MTMR9: variants seen among roughly 807,000 people sequenced by gnomAD.
The protein encoded by MTMR9 is myotubularin related protein 9, also known as myotubularin-related protein 9.
In MTMR9, 39 loss-of-function variants were observed where a neutral mutation model predicts 69.5. That is an observed-to-expected ratio of 0.56 (90% CI 0.43 to 0.73). The LOEUF is 0.73. Ranked by LOEUF, MTMR9 falls within the 30% of genes least tolerant of loss-of-function variation. MTMR9 has a pLI of 0.00. For synonymous variants in MTMR9, 354 were observed against 240.8 expected, an observed-to-expected ratio of 1.47 and a Z score of -4.35; for missense variants, 900 against 671.2, an observed-to-expected ratio of 1.34 and a Z score of -3.77.
chr8:11,308,377 T>G (rs572580015), intron 5 of MTMR9, among the ~76,000 whole-genome samples: 64 of 152,366 alleles, frequency 4.2e-4, no homozygotes, highest in African/African-American at 1.3e-3. Flanking sequence ...GGTTTTATTC[T>G]GTTCCATTAG....
At chr8:11,289,137 A>T (rs1368346095) in intron 1 of MTMR9, among the ~76,000 whole-genome samples, 1 of 152,076 alleles carries the variant, frequency 6.6e-6, no homozygotes, top group Non-Finnish European at 1.5e-5. Context: ...GCACCACTGA[A>T]CTCCACCCTG....
intron 1 of MTMR9, among the ~76,000 whole-genome samples, chr8:11,292,881 C>T (rs149803957): frequency 8.7e-4 from 133 of 152,298 alleles, no homozygotes; most frequent in African/African-American, 2.9e-3. Context: ...AACAATGTAG[C>T]ACATACCATT....
rs1800954700 is a variant in MTMR9, at chr8:11,326,796, C to G, written c.*4008C>G. ...CCATCCTGGCTAACACGGTGAAAACCCATGTCTACTAAAAATACAAAAAAT... is the reference window on the plus strand; with the variant it reads ...CCATCCTGGCTAACACGGTGAAAACGCATGTCTACTAAAAATACAAAAAAT... On this transcript the variant is annotated 3_prime_UTR_variant, in exon 10 of 10. Transcript: ENST00000221086. The G allele has an allele frequency of 6.6e-6, 1 of 152,100 alleles. No homozygotes were observed. The highest frequency in any genetic ancestry group is 6.6e-5 in the Admixed American group (1 of 15,248). The allele number at this position is 152,100 out of a possible 1,614,324, so 9.4% of individuals were successfully genotyped here.
intron 6 of MTMR9, among the ~76,000 whole-genome samples, chr8:11,309,980 C>T (rs943360850): frequency 7.9e-5 from 12 of 151,894 alleles, no homozygotes; most frequent in African/African-American, 2.9e-4. Context: ...ATGAATTTGC[C>T]AATTTTTTTC....
Position 11,326,336 on chromosome 8 carries a change from G to A in MTMR9, c.*3548G>A, listed in dbSNP as rs79706171. ...TAGAATGAATGAAAACAACACAAGC[G>A]TTTTATGAGCACTCTTTATCAGAAA... On this transcript the variant is annotated 3_prime_UTR_variant, in exon 10 of 10. Transcript: ENST00000221086. 7 of 152,318 alleles carry A rather than the reference G, an allele frequency of 4.6e-5. No individual in the cohort carries two copies. The highest frequency in any genetic ancestry group is 1.4e-4 in the African/African-American group (6 of 41,580). The allele number at this position is 152,318 out of a possible 1,614,324, so 9.4% of individuals were successfully genotyped here.
At chr8:11,336,812 C>G in the MTMR9 span, among the ~76,000 whole-genome samples, 1 of 152,166 alleles carries the variant, frequency 6.6e-6, no homozygotes, top group Non-Finnish European at 1.5e-5. Flanking sequence ...CCTGCACATA[C>G]AACATTCTAG....
intron 5 of MTMR9, 52 bp from the exon 6 acceptor site, chr8:11,309,475 T>TAG: frequency 6.6e-7 from 1 of 1,513,136 alleles, no homozygotes; most frequent in South Asian, 1.3e-5. Flanking sequence ...TTTGGTTTCT[T>TAG]TATCTTTCTA....
At chr8:11,296,658 G>A (rs931438825) in intron 2 of MTMR9, among the ~76,000 whole-genome samples, 2 of 151,978 alleles carry the variant, frequency 1.3e-5, no homozygotes, top group South Asian at 4.2e-4. Context: ...TTTGTGACTG[G>A]TTTTTTTCAC....
intron 6 of MTMR9, among the ~76,000 whole-genome samples, chr8:11,313,021 C>T (rs935891559): frequency 2.6e-5 from 4 of 152,208 alleles, no homozygotes; most frequent in Non-Finnish European, 5.9e-5. Context: ...TGCTGTCATG[C>T]AGGCTTCATT....
chr8:11,314,877 A>C (rs370674110), intron 6 of MTMR9, 46 bp from the exon 7 acceptor site: 1 of 1,593,360 alleles, frequency 6.3e-7, no homozygotes, highest in African/African-American at 1.3e-5. Context: ...TTCATTGACC[A>C]TGTTGGACAT....
At chr8:11,317,206 T>A (rs1244137917) in intron 8 of MTMR9, 3 of 169,314 alleles carry the variant, frequency 1.8e-5, no homozygotes, top group Non-Finnish European at 3.8e-5. Context: ...AATTCAGGTC[T>A]TCCCTCTAAT....
Position 11,316,660 on chromosome 8 carries a change from A to G in MTMR9, c.1114-13A>G. 1 of 1,571,212 alleles carries G rather than the reference A, an allele frequency of 6.4e-7. No individual in the cohort carries two copies. Reference sequence around the variant, plus strand: ...ACCAGGATATGACTGTCACGCCTCCATCTTCCCCCTAGGCTGGTCACCCAT... The same window carrying G: ...ACCAGGATATGACTGTCACGCCTCCGTCTTCCCCCTAGGCTGGTCACCCAT... On this transcript the variant is annotated splice_polypyrimidine_tract_variant and intron_variant, in intron 7 of 9. Transcript: ENST00000221086.
chr8:11,307,990 A>G (rs1448372976), intron 5 of MTMR9, among the ~76,000 whole-genome samples: 2 of 152,006 alleles, frequency 1.3e-5, no homozygotes, highest in African/African-American at 2.4e-5. Context: ...CTCCCATTCC[A>G]TAGGTTGTCT....
rs773323583 is a variant in MTMR9, at chr8:11,300,072, G to A, written c.341G>A (p.Arg114His). The A allele has an allele frequency of 1.1e-5, 18 of 1,613,238 alleles. No individual in the cohort carries two copies. The highest frequency in any genetic ancestry group is 6.7e-5 in the East Asian group (3 of 44,850). Reference sequence around the variant, plus strand: ...ACTCTGATGTACCCTTTCTTTTACCGTCCTATGTTTGAAGTGATAGAAGAT... The same window carrying A: ...ACTCTGATGTACCCTTTCTTTTACCATCCTATGTTTGAAGTGATAGAAGAT... ...SITLMYPFFY[R>H]PMFEVIEDGW... The change falls in exon 3 of 10, where the codon CGT (arginine) becomes CAT (histidine). Residue 114 changes from arginine (R) to histidine (H), a missense_variant. By Grantham distance (29) the Arg-to-His change is conservative. Transcript: ENST00000221086.
chr8:11,287,108 T>C (rs988504659), intron 1 of MTMR9, among the ~76,000 whole-genome samples: 12 of 152,230 alleles, frequency 7.9e-5, no homozygotes, highest in African/African-American at 2.9e-4. Context: ...GACCGCTACC[T>C]CCTTCACAAA....
chr8:11,300,058 C>T lies in MTMR9; in HGVS notation c.327C>T (p.Tyr109=). ...CTCTGGACTCCATCACTCTGATGTACCCTTTCTTTTACCGTCCTATGTTTG... is the reference window on the plus strand; with the variant it reads ...CTCTGGACTCCATCACTCTGATGTATCCTTTCTTTTACCGTCCTATGTTTG... The part of the protein sequence containing the change: ...LSTLDSITLM[Y]PFFYRPMFEV... The change falls in exon 3 of 10, where the codon TAC becomes TAT. Residue 109 remains tyrosine (Y), a synonymous_variant. Coordinates refer to ENST00000221086, the MANE Select transcript of MTMR9 (RefSeq NM_015458.4). 3.1e-6 allele frequency: 5 copies of T among 1,613,532 alleles called. No homozygotes were observed. Among genetic ancestry groups the T allele is most frequent in the Non-Finnish European group, 4.2e-6 (5 of 1,179,644 alleles).
chr8:11,297,021 T>C (rs1257045072), intron 2 of MTMR9, among the ~76,000 whole-genome samples: 1 of 152,188 alleles, frequency 6.6e-6, no homozygotes, highest in Non-Finnish European at 1.5e-5. Flanking sequence ...AAATTTTAAA[T>C]TGCCTTATTT....
rs1800112947 is a variant in MTMR9, at chr8:11,309,668, A to G, written c.951A>G (p.Leu317=). ...AAGAGATTCTGACAACTGCCTGCCTAGCGGCTCAGTGCATCGACAGGTAAA... is the reference window on the plus strand; with the variant it reads ...AAGAGATTCTGACAACTGCCTGCCTGGCGGCTCAGTGCATCGACAGGTAAA... The part of the protein sequence containing the change: ...HIKEILTTAC[L]AAQCIDREGA... Residue 317 remains leucine (L), a synonymous_variant, in exon 6 of 10, where the codon CTA becomes CTG. Transcript: ENST00000221086. 6.2e-7 allele frequency: 1 copy of G among 1,613,900 alleles called. No individual in the cohort carries two copies. The highest frequency in any genetic ancestry group is 8.5e-7 in the Non-Finnish European group (1 of 1,179,868).
intron 1 of MTMR9, among the ~76,000 whole-genome samples, chr8:11,290,332 T>A (rs1203375583): frequency 6.6e-6 from 1 of 152,198 alleles, no homozygotes; most frequent in African/African-American, 2.4e-5. Context: ...CATGTTGATT[T>A]GCATGGGTAC....
Sources: gnomAD v4.1 joint callset for allele counts (sites outside exome capture counted in the v4.1 genomes callset) on GRCh38, gnomAD v4.1.1 for gene constraint, MANE v1.5 for transcripts, NCBI Gene and HGNC (gene_info 2026-07-23, HGNC 2026-07-21) for gene names.